GPAT3: variants seen among roughly 807,000 people sequenced by gnomAD.
The protein encoded by GPAT3 is 1-AGP acyltransferase 9.
A neutral mutation model predicts 58.8 loss-of-function variants in GPAT3; 53 were observed. The ratio of observed to expected loss-of-function variants is 0.90; its 90% CI spans 0.72 to 1.13. The LOEUF (loss-of-function observed/expected upper bound fraction) is 1.13. Among genes scored for constraint, GPAT3 ranks in the 50% most tolerant of loss-of-function variants. GPAT3 has a pLI of 0.00. For missense variants in GPAT3, 511 were observed against 527.6 expected, an observed-to-expected ratio of 0.97 and a Z score of 0.31; for synonymous variants, 197 against 187.4, an observed-to-expected ratio of 1.05 and a Z score of -0.42.
intron 9 of GPAT3, 94 bp from the exon 10 acceptor site, chr4:83,597,957 G>T: frequency 7.0e-7 from 1 of 1,434,854 alleles, no homozygotes; most frequent in Non-Finnish European, 9.5e-7. Flanking sequence ...CTTAGAGTCT[G>T]ATAAAGCTGT....
chr4:83,536,365 C>T lies in GPAT3; in HGVS notation c.-258C>T. 4.9e-6 allele frequency: 6 copies of T among 1,223,222 alleles called. No homozygotes were observed. Among genetic ancestry groups the T allele is most frequent in the Non-Finnish European group, 6.1e-6 (6 of 978,234 alleles). 75.8% of individuals were successfully genotyped at this position (1,223,222 alleles called of 1,614,324 possible). A position where few individuals can be genotyped will look rare whatever the true frequency, so the allele number is the denominator to read the frequency against. On this transcript the variant is annotated 5_prime_UTR_variant, in exon 1 of 12. It adds an upstream start codon to the 5' untranslated region. Transcript: ENST00000264409. The stretch of plus-strand genomic sequence containing the variant: ...GGCTCGCGCTACCCAGGTCTCCGCA[C>T]GCCGCGGTGGCTTCAGCCCAGACCT...
intron 2 of GPAT3, among the ~76,000 whole-genome samples, chr4:83,559,304 A>G (rs781810): frequency 0.98 from 148,840 of 152,312 alleles, 72,747 homozygotes; most frequent in East Asian, 1. Flanking sequence ...TTAGTATATA[A>G]GCAGAGAAAG....
At chr4:83,562,225 A>ATATAATATATATATATTATATAT (rs1185063026) in intron 2 of GPAT3, among the ~76,000 whole-genome samples, 1 of 61,400 alleles carries the variant, frequency 1.6e-5, no homozygotes, top group African/African-American at 7.8e-5. Flanking sequence ...ATATATATAT[A>ATATAATATATATATATTATATAT]ATATATATAT....
intron 2 of GPAT3, among the ~76,000 whole-genome samples, chr4:83,545,075 C>T (rs1724456499): frequency 6.6e-6 from 1 of 152,144 alleles, no homozygotes; most frequent in Non-Finnish European, 1.5e-5. Context: ...GTTTAGGAAT[C>T]ATCACATACT....
rs901373857 is a variant in GPAT3, at chr4:83,605,107, A to C, written c.*340A>C. ...ACTCATCGATAGGGTAATTCTCCAA[A>C]AATGCCCAAACTCTTTTTCTGTAAT... On this transcript the variant is annotated 3_prime_UTR_variant, in exon 12 of 12. Coordinates refer to ENST00000264409, the MANE Select transcript of GPAT3 (RefSeq NM_032717.5). 6.4e-5 allele frequency: 11 copies of C among 173,020 alleles called. No homozygotes were observed. The highest frequency in any genetic ancestry group is 4.4e-4 in the South Asian group (3 of 6,822). The allele number at this position is 173,020 out of a possible 1,614,324, so 10.7% of individuals were successfully genotyped here.
rs1283597974 is a variant in GPAT3, at chr4:83,590,228, G to A, written c.674G>A (p.Cys225Tyr). 6.2e-7 allele frequency: 1 copy of A among 1,613,946 alleles called. No homozygotes were observed. Among genetic ancestry groups the A allele is most frequent in the Non-Finnish European group, 8.5e-7 (1 of 1,179,890 alleles). The stretch of plus-strand genomic sequence containing the variant: ...TACAGACCCCAGAAGGGAGGCATTT[G>A]TGTTGCCAACCATACTTCCCCCATT... ...KQYRPQKGGI[C>Y]VANHTSPIDV... Residue 225 changes from cysteine to tyrosine, a missense_variant, in exon 6 of 12, where the codon TGT becomes TAT. Coordinates refer to ENST00000264409, the MANE Select transcript of GPAT3 (RefSeq NM_032717.5).
Position 83,578,975 on chromosome 4 carries a change from T to G in GPAT3, c.209-2587T>G, listed in dbSNP as rs991508208. On this transcript the variant is annotated intron_variant, in intron 2 of 11. Transcript: ENST00000264409. ...TTCTTTCTTTCTTTCTTTCTTTCTTTCTTTCTTTCTTTCCTTCCTTCCTTC... is the reference window on the plus strand; with the variant it reads ...TTCTTTCTTTCTTTCTTTCTTTCTTGCTTTCTTTCTTTCCTTCCTTCCTTC... 2.7e-4 allele frequency among the ~76,000 whole-genome samples: 35 copies of G among 131,358 alleles called. 1 individual carries two copies. The highest frequency in any genetic ancestry group is 1.1e-3 in the African/African-American group (33 of 31,232). The allele number at this position is 131,358 out of a possible 152,430, so 86.2% of individuals were successfully genotyped here.
intron 11 of GPAT3, among the ~76,000 whole-genome samples, chr4:83,603,279 CT>C (rs1376392714): frequency 6.6e-6 from 1 of 152,170 alleles, no homozygotes; most frequent in Non-Finnish European, 1.5e-5. Flanking sequence ...TTTGTTGTTT[CT>C]TTATGTGTAG....
At position 83,574,908 on chromosome 4, in the gene GPAT3, C is replaced by T. The variant is rs138662275; in HGVS notation, c.209-6654C>T. On this transcript the variant is annotated intron_variant, in intron 2 of 11. Transcript: ENST00000264409. The stretch of plus-strand genomic sequence containing the variant: ...TTTTTTTTTTTTTGAGACGGAGTCT[C>T]GCTATCGCCCAGGCCGGAGTGCAGT... Among the ~76,000 whole-genome samples the T allele has an allele frequency of 2.7e-3, 351 of 128,280 alleles. 2 individuals carry two copies. Among genetic ancestry groups the T allele is most frequent in the African/African-American group, 9.6e-3 (323 of 33,630 alleles). The allele number at this position is 128,280 out of a possible 152,430, so 84.2% of individuals were successfully genotyped here.
intron 8 of GPAT3, 22 bp downstream of exon 8, chr4:83,596,935 G>A (rs770219397): frequency 1.1e-5 from 18 of 1,593,982 alleles, no homozygotes; most frequent in South Asian, 6.8e-5. Flanking sequence ...CCTGCCTCCC[G>A]AGCTATAGTT....
intron 1 of GPAT3, among the ~76,000 whole-genome samples, chr4:83,543,614 G>A (rs139032951): frequency 6.0e-4 from 91 of 151,870 alleles, no homozygotes; most frequent in Middle Eastern, 3.4e-3. Context: ...ATCATTTTCC[G>A]TAGTTCATGA....
intron 3 of GPAT3, 129 bp downstream of exon 3, chr4:83,581,961 A>C: frequency 7.9e-7 from 1 of 1,270,216 alleles, no homozygotes; most frequent in Non-Finnish European, 1.1e-6. Flanking sequence ...ATGCCACCAA[A>C]CATGACCTCT....
chr4:83,570,171 C>G (rs1578179232), intron 2 of GPAT3, among the ~76,000 whole-genome samples: 1 of 152,154 alleles, frequency 6.6e-6, no homozygotes, highest in Non-Finnish European at 1.5e-5. Flanking sequence ...TTGGAGTCAC[C>G]GACTTGGTTG....
chr4:83,586,503 GTTTCTGC>G (rs566444330), intron 3 of GPAT3, among the ~76,000 whole-genome samples: 176 of 152,236 alleles, frequency 1.2e-3, no homozygotes, highest in African/African-American at 3.9e-3. Context: ...ATAATCTAAA[GTTTCTGC>G]TTTCTCCATT....
At chr4:83,567,498 A>G (rs977799945) in intron 2 of GPAT3, among the ~76,000 whole-genome samples, 8 of 152,232 alleles carry the variant, frequency 5.3e-5, no homozygotes, top group Non-Finnish European at 8.8e-5. Flanking sequence ...CCTGGTCATA[A>G]TATGATGCTG....
chr4:83,563,787 T>C (rs1034259935), intron 2 of GPAT3, among the ~76,000 whole-genome samples: 9 of 152,274 alleles, frequency 5.9e-5, no homozygotes, highest in African/African-American at 2.2e-4. Context: ...GGCCAAGTGT[T>C]TATTATTTTC....
intron 11 of GPAT3, 80 bp downstream of exon 11, chr4:83,598,803 C>A: frequency 2.3e-6 from 2 of 851,066 alleles, no homozygotes; most frequent in Non-Finnish European, 3.3e-6. Context: ...ATGCCTCACT[C>A]TTTTACCCAG....
At chr4:83,570,471 C>CTTTT (rs11417042) in intron 2 of GPAT3, among the ~76,000 whole-genome samples, 3 of 126,656 alleles carry the variant, frequency 2.4e-5, no homozygotes, top group East Asian at 2.3e-4. Context: ...TGGGAGAACT[C>CTTTT]TTTTTTTTTT....
chr4:83,575,321 A>T (rs1447014376), intron 2 of GPAT3, among the ~76,000 whole-genome samples: 1 of 152,174 alleles, frequency 6.6e-6, no homozygotes, highest in Non-Finnish European at 1.5e-5. Flanking sequence ...GGTAAATTGG[A>T]TCTGTAACTC....
Sources: gnomAD v4.1 joint callset for allele counts (sites outside exome capture counted in the v4.1 genomes callset) on GRCh38, gnomAD v4.1.1 for gene constraint, MANE v1.5 for transcripts, NCBI Gene and HGNC (gene_info 2026-07-23, HGNC 2026-07-21) for gene names.